The following SHANK1 variants were observed in gnomAD, a reference collection of about 807,000 sequenced individuals.
SHANK1 encodes SH3 and multiple ankyrin repeat domains protein 1.
SHANK1 carries 35 observed loss-of-function variants against 165.6 expected under a neutral mutation model. The ratio of observed to expected loss-of-function variants is 0.21; its 90% CI spans 0.16 to 0.28. The LOEUF (loss-of-function observed/expected upper bound fraction) is 0.28. Among genes scored for constraint, SHANK1 ranks in the 10% least tolerant of loss-of-function variants. The pLI is 1.00. For synonymous variants in SHANK1, 1,428 were observed against 1,384.8 expected (o/e 1.03, Z -0.69); for missense variants, 2,681 against 3,036.4 (o/e 0.88, Z 2.75).
intron 8 of SHANK1, among the ~76,000 whole-genome samples, chr19:50,708,493 C>T (rs1055765123): frequency 6.6e-6 from 1 of 151,474 alleles, no homozygotes; most frequent in African/African-American, 2.4e-5. Context: ...CCACCCCCCC[C>T]AACCCCGCCC....
At chr19:50,674,537 G>A (rs1985913546) in intron 21 of SHANK1, among the ~76,000 whole-genome samples, 2 of 152,060 alleles carry the variant, frequency 1.3e-5, no homozygotes, top group South Asian at 4.1e-4. Context: ...CCTGGGCTCT[G>A]GGCTCTGCTT....
intron 15 of SHANK1, among the ~76,000 whole-genome samples, chr19:50,695,079 G>A (rs1156688211): frequency 6.9e-6 from 1 of 145,948 alleles, no homozygotes; most frequent in Non-Finnish European, 1.5e-5. Context: ...TCCCGGTGCC[G>A]GCCGCCCCCG....
intron 23 of SHANK1, among the ~76,000 whole-genome samples, chr19:50,665,447 A>T (rs1277194028): frequency 6.6e-6 from 1 of 151,294 alleles, no homozygotes; most frequent in Non-Finnish European, 1.5e-5. Flanking sequence ...GGCACCTGTA[A>T]TCGCAGCTAC....
At position 50,715,640 on chromosome 19, in the gene SHANK1, G is replaced by A. The variant is rs779812987; in HGVS notation, c.531+19C>T. 2.5e-6 allele frequency: 4 copies of A among 1,612,484 alleles called. No homozygotes were observed. The Admixed American group carries it at 5.0e-5, about 20-fold the overall frequency. On this transcript the variant is annotated intron_variant, in intron 4 of 23. Transcript: ENST00000293441. ...TGGTAGGGGGCTATAGGGGATAGAT[G>A]CCAGCAGGGTTTTCTCACCTTCGTG...
Position 50,716,941 on chromosome 19 carries a change from G to A in SHANK1, c.-22C>T, listed in dbSNP as rs542647381. 2,124 of 1,418,278 alleles carry A rather than the reference G, an allele frequency of 1.5e-3. 3 individuals carry two copies. The highest frequency in any genetic ancestry group is 1.8e-3 in the Non-Finnish European group (1,988 of 1,087,366). 87.9% of individuals were successfully genotyped at this position (1,418,278 alleles called of 1,614,324 possible). On this transcript the variant is annotated 5_prime_UTR_variant, in exon 2 of 24. Coordinates refer to ENST00000293441, the MANE Select transcript of SHANK1 (RefSeq NM_016148.5). The surrounding 1 kb of genome is among the most constrained non-coding windows in gnomAD (Gnocchi z 8.4). ...TCATTGTGGGGCCACGGGGCGACGG[G>A]GGACGGCAGCATCACAGGCGGCTGC...
chr19:50,668,709 T>C lies in SHANK1; in HGVS notation c.3251A>G (p.Tyr1084Cys). 7.7e-7 allele frequency: 1 copy of C among 1,293,052 alleles called. No homozygotes were observed. The allele number at this position is 1,293,052 out of a possible 1,614,324, so 80.1% of individuals were successfully genotyped here. A position where few individuals can be genotyped will look rare whatever the true frequency, so the allele number is the denominator to read the frequency against. ...GGCCGCCCGCGGGGGCAGCTGGAAA[T>C]AGCGTAGAGCCGGGCCCTGGGAGGA... ...GGSSQGPALR[Y>C]FQLPPRAASA... The change falls in exon 23 of 24, where the codon TAT (tyrosine) becomes TGT (cysteine). Residue 1084 changes from tyrosine to cysteine, a missense_variant. Tyr to Cys is a radical substitution (Grantham distance 194). Transcript: ENST00000293441.
rs1050024129 is a variant in SHANK1, at chr19:50,690,486, A to G, written c.1965-1207T>C. Among the ~76,000 whole-genome samples, 5 of 152,114 alleles carry G rather than the reference A, an allele frequency of 3.3e-5. No homozygotes were observed. The highest frequency in any genetic ancestry group is 1.2e-4 in the African/African-American group (5 of 41,396). ...GAATACCCAAGAACACCCAGGAGTC[A>G]CTGGAACGCGTGCTCTGCTGTGCTG... On this transcript the variant is annotated intron_variant, in intron 15 of 23. Coordinates refer to ENST00000293441, the MANE Select transcript of SHANK1 (RefSeq NM_016148.5). The surrounding 1 kb of genome is among the most constrained non-coding windows in gnomAD (Gnocchi z 4.9).
At chr19:50,684,279 G>A (rs1257073153) in intron 21 of SHANK1, among the ~76,000 whole-genome samples, 1 of 151,972 alleles carries the variant, frequency 6.6e-6, no homozygotes, top group Non-Finnish European at 1.5e-5. Flanking sequence ...AGGCTGGAGT[G>A]CAATGGTGCG....
rs777334464 is a variant in SHANK1 at position 50,667,011 on chromosome 19, G to A, written c.4949C>T (p.Pro1650Leu). Reference protein sequence around the residue: ...AAPGDPHPPGPPAPAAPAPAA... With the variant: ...AAPGDPHPPGLPAPAAPAPAA... ...GGGAGCCGGTGCTGCTGGGGCAGGC[G>A]GGCCTGGTGGATGGGGGTCCCCAGG... The change falls in exon 23 of 24, where the codon CCG (proline) becomes CTG (leucine). Residue 1650 changes from proline (P) to leucine (L), a missense_variant. Coordinates refer to ENST00000293441, the MANE Select transcript of SHANK1 (RefSeq NM_016148.5). This position sits in a 1 kb window ranked among gnomAD's most constrained non-coding sequence, Gnocchi z 5.7. 7 of 1,556,972 alleles carry A rather than the reference G, an allele frequency of 4.5e-6. No homozygotes were observed. The highest frequency in any genetic ancestry group is 1.2e-5 in the South Asian group (1 of 82,982).
rs967233667 is a variant in SHANK1, at chr19:50,687,148, G to A, written c.2390-336C>T. 4.9e-6 allele frequency: 3 copies of A among 616,854 alleles called. No individual in the cohort carries two copies. In the African/African-American group the frequency reaches 5.9e-5, roughly 12 times the overall value. 38.2% of individuals were successfully genotyped at this position (616,854 alleles called of 1,614,324 possible). ...TCCCTCGGGGCCCCGGGGTGGGGGC[G>A]GTCAGCTGTCCGACCAGCCCCCTGT... is the stretch of plus-strand genomic sequence containing the variant. On this transcript the variant is annotated intron_variant, in intron 19 of 23. Coordinates refer to ENST00000293441, the MANE Select transcript of SHANK1 (RefSeq NM_016148.5).
At position 50,668,027 on chromosome 19, in the gene SHANK1, G is replaced by A. The variant is rs1225148305; in HGVS notation, c.3933C>T (p.Gly1311=). Residue 1311 remains glycine (G), a synonymous_variant, in exon 23 of 24, where the codon GGC becomes GGT. Coordinates refer to ENST00000293441, the MANE Select transcript of SHANK1 (RefSeq NM_016148.5). ...AGGCTCGGCTACCGGCCCCGTAGCC[G>A]CCGTAGCCCGCGCCGCTGCCCGCAG... ...LESAGSGAGY[G]GYGAGSRAYG... is the part of the protein sequence containing the mutation. 1 of 1,476,014 alleles carries A rather than the reference G, an allele frequency of 6.8e-7. No individual in the cohort carries two copies. The allele number at this position is 1,476,014 out of a possible 1,614,324, so 91.4% of individuals were successfully genotyped here. A position where few individuals can be genotyped will look rare whatever the true frequency, so the allele number is the denominator to read the frequency against.
intron 12 of SHANK1, among the ~76,000 whole-genome samples, 175 bp from the exon 13 acceptor site, chr19:50,698,131 T>C (rs1986800015): frequency 6.6e-6 from 1 of 152,198 alleles, no homozygotes; most frequent in African/African-American, 2.4e-5. Context: ...CATATCACTC[T>C]TGCATTCTAG....
At chr19:50,673,770 T>C (rs1027846348) in intron 21 of SHANK1, among the ~76,000 whole-genome samples, 1 of 151,932 alleles carries the variant, frequency 6.6e-6, no homozygotes, top group South Asian at 2.1e-4. Context: ...AATTGTACCC[T>C]GGATAATATC....
rs922794342 is a variant in SHANK1 at position 50,670,546 on chromosome 19, C to G, written c.2675-1261G>C. Among the ~76,000 whole-genome samples, 1 of 152,170 alleles carries G rather than the reference C, an allele frequency of 6.6e-6. No homozygotes were observed. Among genetic ancestry groups the G allele is most frequent in the African/African-American group, 2.4e-5 (1 of 41,440 alleles). On this transcript the variant is annotated intron_variant, in intron 22 of 23. Transcript: ENST00000293441. This position sits in a 1 kb window ranked among gnomAD's most constrained non-coding sequence, Gnocchi z 4.1. ...TGCTTAGAGCCCTGCCATTCACTCACCTCACTCAGGGCAAAGGTTCAAGTC... is the reference window on the plus strand; with the variant it reads ...TGCTTAGAGCCCTGCCATTCACTCAGCTCACTCAGGGCAAAGGTTCAAGTC...
rs71182756 is a variant in SHANK1 at position 50,665,737 on chromosome 19, T to TAAAAAAAAAAAAAAAAAAAAAAAA, written c.5768+454_5768+455insTTTTTTTTTTTTTTTTTTTTTTTT. On this transcript the variant is annotated intron_variant, in intron 23 of 23. Transcript: ENST00000293441. The stretch of plus-strand genomic sequence containing the variant: ...GGGTGACAGAGTGAGACCCTGTTTC[T>TAAAAAAAAAAAAAAAAAAAAAAAA]AAAAAAAAAAAAAAAGCCAGGCATG... Among the ~76,000 whole-genome samples the TAAAAAAAAAAAAAAAAAAAAAAAA allele has an allele frequency of 4.3e-4, 42 of 98,158 alleles. 4 individuals carry two copies. The highest frequency in any genetic ancestry group is 5.4e-4 in the Non-Finnish European group (28 of 51,826). The allele number at this position is 98,158 out of a possible 152,430, so 64.4% of individuals were successfully genotyped here.
Position 50,697,730 on chromosome 19 carries a change from C to G in SHANK1, c.1862-66G>C. On this transcript the variant is annotated intron_variant, in intron 13 of 23. Coordinates refer to ENST00000293441, the MANE Select transcript of SHANK1 (RefSeq NM_016148.5). This position sits in a 1 kb window ranked among gnomAD's most constrained non-coding sequence, Gnocchi z 4.7. ...AAACCACAATCCCAGCCCTAGAGCT[C>G]CTGGCCCAAGTCTTCCCATCTACCT... The G allele has an allele frequency of 1.9e-6, 3 of 1,568,564 alleles. No homozygotes were observed. The highest frequency in any genetic ancestry group is 2.6e-6 in the Non-Finnish European group (3 of 1,139,346).
At position 50,668,369 on chromosome 19, in the gene SHANK1, C is replaced by T. The variant is rs760770221; in HGVS notation, c.3591G>A (p.Ser1197=). ...GTGACATGGCCGGGGCGGGGCTGGGCGAGGAGCCGCCGCCGCCGCCGCCTC... is the reference window on the plus strand; with the variant it reads ...GTGACATGGCCGGGGCGGGGCTGGGTGAGGAGCCGCCGCCGCCGCCGCCTC... ...PTGGGGGGGS[S]PSPAPAMSPV... is the part of the protein sequence containing the mutation. Residue 1197 remains serine, a synonymous_variant, in exon 23 of 24, where the codon TCG becomes TCA. Transcript: ENST00000293441. The T allele has an allele frequency of 1.2e-5, 15 of 1,264,132 alleles. No individual in the cohort carries two copies. The East Asian group carries it at 2.8e-4, about 24-fold the overall frequency. 78.3% of individuals were successfully genotyped at this position (1,264,132 alleles called of 1,614,324 possible).
intron 11 of SHANK1, among the ~76,000 whole-genome samples, chr19:50,703,225 TTC>T (rs1470669754): frequency 1.3e-5 from 2 of 151,748 alleles, no homozygotes; most frequent in African/African-American, 4.8e-5. Flanking sequence ...CACCCTGTCA[TTC>T]TGTCTGTCCC....
rs1427283704 is a variant in SHANK1 at position 50,711,607 on chromosome 19, C to T, written c.961-120G>A. On this transcript the variant is annotated intron_variant, in intron 7 of 23. Transcript: ENST00000293441. ...ATCCTATCGTTCACCGCATCCACCTCCCCATCACCTTTTAGCCCCGCTTCC... is the reference window on the plus strand; with the variant it reads ...ATCCTATCGTTCACCGCATCCACCTTCCCATCACCTTTTAGCCCCGCTTCC... The T allele has an allele frequency of 2.4e-5, 18 of 740,076 alleles. No homozygotes were observed. In the East Asian group the frequency reaches 4.9e-4, roughly 20 times the overall value. The allele number at this position is 740,076 out of a possible 1,614,324, so 45.8% of individuals were successfully genotyped here.
Sources: gnomAD v4.1 joint callset for allele counts (sites outside exome capture counted in the v4.1 genomes callset) on GRCh38, gnomAD v4.1.1 for gene constraint, Gnocchi (gnomAD v3.1) non-coding constraint, MANE v1.5 for transcripts, NCBI Gene and HGNC (gene_info 2026-07-23, HGNC 2026-07-21) for gene names.